AUTS2: variants seen among roughly 807,000 people sequenced by gnomAD.
The protein encoded by AUTS2 is activator of transcription and developmental regulator AUTS2.
In AUTS2, 17 loss-of-function variants were observed where a neutral mutation model predicts 112.4. The observed-to-expected ratio is 0.15, with a 90% confidence interval of 0.10 to 0.23. The LOEUF (loss-of-function observed/expected upper bound fraction) is 0.23, where lower values mean the gene tolerates loss of function less well. Ranked by LOEUF, AUTS2 falls within the 10% of genes least tolerant of loss-of-function variation. AUTS2 has a pLI of 1.00. For missense variants in AUTS2, 1,510 were observed against 1,701.6 expected, an observed-to-expected ratio of 0.89 and a Z score of 1.98; for synonymous variants, 751 against 702.7, an observed-to-expected ratio of 1.07 and a Z score of -1.09.
intron 2 of AUTS2, among the ~76,000 whole-genome samples, chr7:69,974,954 T>G (rs940017201): frequency 2.0e-5 from 3 of 152,120 alleles, no homozygotes; most frequent in Non-Finnish European, 2.9e-5. Context: ...CCTAGTGACT[T>G]AAGATCCTTT....
At chr7:70,290,262 TA>T in intron 4 of AUTS2, 1 of 1,182,002 alleles carries the variant, frequency 8.5e-7, no homozygotes, top group Non-Finnish European at 1.1e-6. Context: ...CCCAATTTTA[TA>T]AAACAAATTA....
At chr7:70,179,297 A>G (rs1809172607) in intron 4 of AUTS2, among the ~76,000 whole-genome samples, 1 of 151,980 alleles carries the variant, frequency 6.6e-6, no homozygotes, top group African/African-American at 2.4e-5. Context: ...TTTTGTTTTT[A>G]GTGGTTTATT....
At chr7:70,219,064 T>C (rs187059082) in intron 4 of AUTS2, among the ~76,000 whole-genome samples, 226 of 152,324 alleles carry the variant, frequency 1.5e-3, no homozygotes, top group Non-Finnish European at 2.7e-3. Flanking sequence ...CTAAAACAGA[T>C]TTGTTTTCCA....
intron 5 of AUTS2, among the ~76,000 whole-genome samples, chr7:70,491,069 G>T (rs1798209287): frequency 6.6e-6 from 1 of 152,176 alleles, no homozygotes; most frequent in African/African-American, 2.4e-5. Context: ...CCATGAGGCT[G>T]TAGACAGGGT....
chr7:70,226,114 A>C (rs1156939791), intron 4 of AUTS2, among the ~76,000 whole-genome samples: 1 of 152,184 alleles, frequency 6.6e-6, no homozygotes, highest in East Asian at 1.9e-4. Flanking sequence ...TCATCTATTA[A>C]AAGCTATTCT....
At chr7:70,739,048 C>T (rs1299333483) in intron 6 of AUTS2, among the ~76,000 whole-genome samples, 1 of 89,714 alleles carries the variant, frequency 1.1e-5, no homozygotes, top group Admixed American at 1.8e-4. Context: ...GAGAGAGAGA[C>T]AGGGTCTTGC....
intron 5 of AUTS2, among the ~76,000 whole-genome samples, chr7:70,527,235 A>T (rs996193910): frequency 6.6e-6 from 1 of 152,224 alleles, no homozygotes; most frequent in Non-Finnish European, 1.5e-5. Flanking sequence ...CAGAATGACT[A>T]GAAATGGTCT....
intron 1 of AUTS2, among the ~76,000 whole-genome samples, chr7:69,691,539 G>A (rs1333704452): frequency 6.6e-6 from 1 of 152,128 alleles, no homozygotes; most frequent in African/African-American, 2.4e-5. Context: ...ACTGGGTCGC[G>A]GCAGTGCCCA....
At chr7:70,566,556 A>G (rs976780755) in intron 5 of AUTS2, among the ~76,000 whole-genome samples, 5 of 152,232 alleles carry the variant, frequency 3.3e-5, no homozygotes, top group Non-Finnish European at 7.3e-5. Flanking sequence ...AAAAAATAGC[A>G]TTGAAATATT....
intron 2 of AUTS2, among the ~76,000 whole-genome samples, chr7:70,078,644 G>A (rs761493508): frequency 1.3e-5 from 2 of 152,140 alleles, no homozygotes; most frequent in Non-Finnish European, 2.9e-5. Flanking sequence ...TAAAAGAAGG[G>A]CAAAGGTATA....
At chr7:69,875,692 G>T (rs528087572) in intron 1 of AUTS2, among the ~76,000 whole-genome samples, 95 of 152,172 alleles carry the variant, frequency 6.2e-4, no homozygotes, top group South Asian at 2.5e-3. Flanking sequence ...GCACAAAAGT[G>T]GTGTCCCAAT....
chr7:70,768,301 C>G (rs913881637), intron 10 of AUTS2, among the ~76,000 whole-genome samples: 1 of 152,208 alleles, frequency 6.6e-6, no homozygotes, highest in Non-Finnish European at 1.5e-5. Flanking sequence ...AGCAGAGTTG[C>G]TCTTTAGTGG....
At chr7:70,320,546 T>C (rs891936213) in intron 4 of AUTS2, among the ~76,000 whole-genome samples, 35 of 152,198 alleles carry the variant, frequency 2.3e-4, no homozygotes, top group African/African-American at 8.0e-4. Flanking sequence ...TTAGCAAACA[T>C]TTACTTAACT....
At chr7:70,131,136 A>T (rs1806250218) in intron 3 of AUTS2, among the ~76,000 whole-genome samples, 1 of 152,098 alleles carries the variant, frequency 6.6e-6, no homozygotes, top group African/African-American at 2.4e-5. Flanking sequence ...AAAAAAATGG[A>T]AGTCCTCCCT....
At chr7:70,686,077 G>A (rs888811423) in intron 5 of AUTS2, among the ~76,000 whole-genome samples, 1 of 152,164 alleles carries the variant, frequency 6.6e-6, no homozygotes, top group South Asian at 2.1e-4. Context: ...ATCCTCACCT[G>A]TCAACAGACC....
intron 4 of AUTS2, among the ~76,000 whole-genome samples, chr7:70,259,830 C>G (rs770371682): frequency 6.6e-6 from 1 of 152,104 alleles, no homozygotes; most frequent in Admixed American, 6.5e-5. Flanking sequence ...CTTGGCCTCA[C>G]ATTAGTGGGG....
At chr7:69,768,874 G>A (rs767390888) in intron 1 of AUTS2, among the ~76,000 whole-genome samples, 3 of 152,158 alleles carry the variant, frequency 2.0e-5, no homozygotes, top group Admixed American at 6.5e-5. Flanking sequence ...GTGGCCTGAT[G>A]GGATTAGCTA....
intron 5 of AUTS2, among the ~76,000 whole-genome samples, chr7:70,678,101 T>G (rs935087200): frequency 1.3e-5 from 2 of 151,624 alleles, no homozygotes; most frequent in African/African-American, 4.9e-5. Flanking sequence ...TAATAAATAA[T>G]AATAATAATA....
At chr7:69,931,568 T>C (rs1383169999) in intron 2 of AUTS2, among the ~76,000 whole-genome samples, 2 of 152,196 alleles carry the variant, frequency 1.3e-5, no homozygotes, top group Non-Finnish European at 2.9e-5. Flanking sequence ...GTCTTGGAGG[T>C]GCAAGACTTA....
Sources: allele counts gnomAD v4.1 joint callset (sites outside exome capture counted in the v4.1 genomes callset), GRCh38; gene constraint gnomAD v4.1.1; transcripts MANE v1.5; gene names NCBI Gene and HGNC (gene_info 2026-07-23, HGNC 2026-07-21).